NOP9: variants seen among roughly 807,000 people sequenced by gnomAD.
NOP9 encodes nucleolar protein 9.
NOP9 carries 50 observed loss-of-function variants against 63.0 expected under a neutral mutation model. That is an observed-to-expected ratio of 0.79 (90% CI 0.63 to 1.00). The LOEUF (loss-of-function observed/expected upper bound fraction) is 1.00, where lower values mean the gene tolerates loss of function less well. NOP9 is among the 50% of genes least tolerant of loss of function. The pLI is 0.00. For missense variants in NOP9, 758 were observed against 803.0 expected, an observed-to-expected ratio of 0.94 and a Z score of 0.68; for synonymous variants, 343 against 332.8, an observed-to-expected ratio of 1.03 and a Z score of -0.33.
At chr14:24,277,064 G>A in the NOP9 span, among the ~76,000 whole-genome samples, 2 of 152,182 alleles carry the variant, frequency 1.3e-5, no homozygotes, top group Non-Finnish European at 1.5e-5. Flanking sequence ...GGCATGGAGA[G>A]TGAGGATGGA....
At position 24,308,835 on chromosome 14, in the gene NOP9, CAAAG is replaced by C. The variant is rs1450577872; in HGVS notation, c.*3744_*3747del. ...TCCCCACTTTTTTTCTGTGTCCTGA[CAAAG>C]AAACACAGAGTAACTTGATTGCCCT... On this transcript the variant is annotated 3_prime_UTR_variant, in exon 10 of 10. Transcript: ENST00000267425. The C allele has an allele frequency of 9.9e-5, 15 of 152,156 alleles. No individual in the cohort carries two copies. Among genetic ancestry groups the C allele is most frequent in the Admixed American group, 7.2e-4 (11 of 15,286 alleles). 9.4% of individuals were successfully genotyped at this position (152,156 alleles called of 1,614,324 possible).
At chr14:24,290,688 C>T in the NOP9 span, 4 of 704,066 alleles carry the variant, frequency 5.7e-6, no homozygotes, top group Non-Finnish European at 9.3e-6. Flanking sequence ...AACCAAGGCA[C>T]AAAGAAGGGA....
the NOP9 span, chr14:24,290,773 A>G: frequency 2.6e-6 from 4 of 1,555,160 alleles, no homozygotes; most frequent in South Asian, 3.4e-5. Flanking sequence ...TGGGTAAACA[A>G]GAAAGGCTGC....
chr14:24,297,080 A>T (rs1369005922), upstream of NOP9, among the ~76,000 whole-genome samples: 2 of 152,244 alleles, frequency 1.3e-5, no homozygotes, highest in Non-Finnish European at 2.9e-5. Context: ...CCCACCACAG[A>T]GCAAGGTGAA....
At chr14:24,288,143 C>A in the NOP9 span, among the ~76,000 whole-genome samples, 1 of 152,164 alleles carries the variant, frequency 6.6e-6, no homozygotes, top group African/African-American at 2.4e-5. Context: ...GGTCTTACTC[C>A]ACATCTTATG....
At chr14:24,272,462 A>G in the NOP9 span, among the ~76,000 whole-genome samples, 1 of 152,226 alleles carries the variant, frequency 6.6e-6, no homozygotes, top group Non-Finnish European at 1.5e-5. Flanking sequence ...AAACTCGCTT[A>G]AATACTCTTT....
chr14:24,289,038 C>G, the NOP9 span, among the ~76,000 whole-genome samples: 2 of 151,590 alleles, frequency 1.3e-5, no homozygotes, highest in Non-Finnish European at 2.9e-5. Flanking sequence ...TGCAGTGGCA[C>G]GATCTCGGCT....
chr14:24,305,663 C>T lies in NOP9; in HGVS notation c.*568C>T. On this transcript the variant is annotated 3_prime_UTR_variant, in exon 10 of 10. Coordinates refer to ENST00000267425, the MANE Select transcript of NOP9 (RefSeq NM_174913.3). ...AGGAATGGAGGCGGCCCTTCTGCTG[C>T]CACTGCTCAGCCCCCTCCACTGCAT... 6.2e-7 allele frequency: 1 copy of T among 1,614,068 alleles called. No homozygotes were observed. The highest frequency in any genetic ancestry group is 8.5e-7 in the Non-Finnish European group (1 of 1,179,986).
intron 1 of NOP9, 30 bp from the exon 2 acceptor site, chr14:24,300,378 C>T: frequency 2.5e-6 from 4 of 1,595,250 alleles, no homozygotes; most frequent in South Asian, 1.1e-5. Context: ...TACTAAGTCT[C>T]TTCAAAGTGT....
At chr14:24,304,734 G>A (rs1455121452) in intron 9 of NOP9, 136 bp downstream of exon 9, 2 of 900,800 alleles carry the variant, frequency 2.2e-6, no homozygotes, top group Non-Finnish European at 3.3e-6. Context: ...GTTCTTAGCA[G>A]TCTGCTTTCC....
Position 24,305,186 on chromosome 14 carries a change from C to G in NOP9, c.*91C>G, listed in dbSNP as rs2041459181. On this transcript the variant is annotated 3_prime_UTR_variant, in exon 10 of 10. Coordinates refer to ENST00000267425, the MANE Select transcript of NOP9 (RefSeq NM_174913.3). ...CCTGGTTTAAATTGGAGTCAGAAGTCTTAGTGGTAAATATTTGATATTTTT... is the reference window on the plus strand; with the variant it reads ...CCTGGTTTAAATTGGAGTCAGAAGTGTTAGTGGTAAATATTTGATATTTTT... 1 of 1,217,138 alleles carries G rather than the reference C, an allele frequency of 8.2e-7. No individual in the cohort carries two copies. The highest frequency in any genetic ancestry group is 1.1e-6 in the Non-Finnish European group (1 of 921,320). 75.4% of individuals were successfully genotyped at this position (1,217,138 alleles called of 1,614,324 possible).
chr14:24,273,241 C>T, the NOP9 span, among the ~76,000 whole-genome samples: 20 of 150,726 alleles, frequency 1.3e-4, no homozygotes, highest in East Asian at 2.1e-3. Flanking sequence ...TGCAGTGGCA[C>T]GATCTCTGCT....
chr14:24,281,346 G>T, the NOP9 span, among the ~76,000 whole-genome samples: 86 of 152,296 alleles, frequency 5.6e-4, no homozygotes, highest in African/African-American at 2.0e-3. Context: ...AGGGAGGAAG[G>T]GTGGAGCTCT....
At chr14:24,274,377 G>C in the NOP9 span, among the ~76,000 whole-genome samples, 1 of 152,202 alleles carries the variant, frequency 6.6e-6, no homozygotes, top group African/African-American at 2.4e-5. Flanking sequence ...GTTTTGGAAA[G>C]AGCGGGCAGG....
At position 24,299,909 on chromosome 14, in the gene NOP9, C is replaced by T; in HGVS notation, c.-46C>T. On this transcript the variant is annotated 5_prime_UTR_variant, in exon 1 of 10. Transcript: ENST00000267425. ...ACGCTTGGCGACGTCGAAGGTCCGT[C>T]CGCAGTTAAGGAAGCTTTTGCAGCC... The T allele has an allele frequency of 6.6e-7, 1 of 1,506,472 alleles. No homozygotes were observed. 93.3% of individuals were successfully genotyped at this position (1,506,472 alleles called of 1,614,324 possible).
At chr14:24,299,024 C>G (rs1315963016), upstream of NOP9, 1 of 1,613,930 alleles carries the variant, frequency 6.2e-7, no homozygotes, top group Non-Finnish European at 8.5e-7. Context: ...GCCTGCTTTG[C>G]AGAGCTGCAA....
the NOP9 span, among the ~76,000 whole-genome samples, chr14:24,287,050 A>C: frequency 6.6e-6 from 1 of 151,678 alleles, no homozygotes; most frequent in African/African-American, 2.4e-5. Context: ...CCACCACACC[A>C]GGCTAATTTT....
upstream of NOP9, chr14:24,296,764 C>A (rs754865649): frequency 6.2e-7 from 1 of 1,614,178 alleles, no homozygotes; most frequent in South Asian, 1.1e-5. Flanking sequence ...GCATTGTTGA[C>A]CAGCACATCT....
upstream of NOP9, chr14:24,299,202 G>A: frequency 7.1e-7 from 1 of 1,403,820 alleles, no homozygotes. Context: ...TTGGGGGGTA[G>A]GGGAGAACCT....
Sources: allele counts gnomAD v4.1 joint callset (sites outside exome capture counted in the v4.1 genomes callset), GRCh38; gene constraint gnomAD v4.1.1; transcripts MANE v1.5; gene names NCBI Gene and HGNC (gene_info 2026-07-23, HGNC 2026-07-21).